The following SARS1 variants were observed in gnomAD, a reference collection of about 807,000 sequenced individuals.
SARS1 encodes the protein serine--tRNA ligase, cytoplasmic.
In SARS1, 25 loss-of-function variants were observed where a neutral mutation model predicts 63.7. That is an observed-to-expected ratio of 0.39 (90% CI 0.29 to 0.55). SARS1 has a LOEUF of 0.55. SARS1 is among the 20% of genes least tolerant of loss of function. SARS1 has a pLI of 0.62. For missense variants in SARS1, 417 were observed against 649.7 expected (o/e 0.64, Z 3.89); for synonymous variants, 231 against 243.5 (o/e 0.95, Z 0.48).
chr1:109,228,294 A>G, intron 2 of SARS1, 58 bp from the exon 3 acceptor site: 3 of 1,297,666 alleles, frequency 2.3e-6, no homozygotes, highest in Non-Finnish European at 3.3e-6. Flanking sequence ...ACACTTTATA[A>G]AACAATGCCA....
intron 6 of SARS1, among the ~76,000 whole-genome samples, chr1:109,234,627 C>T (rs140760449): frequency 4.5e-4 from 69 of 152,284 alleles, no homozygotes; most frequent in African/African-American, 1.6e-3. Flanking sequence ...TGCATACCTG[C>T]CAGCATTGAC....
At chr1:109,218,083 C>T (rs186897543) in intron 1 of SARS1, among the ~76,000 whole-genome samples, 8 of 150,726 alleles carry the variant, frequency 5.3e-5, no homozygotes, top group African/African-American at 1.7e-4. Context: ...GTCCCAGCTA[C>T]TCGGGTGGCT....
intron 6 of SARS1, among the ~76,000 whole-genome samples, chr1:109,234,070 G>A (rs188931218): frequency 1.3e-5 from 2 of 151,574 alleles, no homozygotes; most frequent in African/African-American, 4.8e-5. Flanking sequence ...GTAGAGATGG[G>A]GTTTTGTCAT....
intron 2 of SARS1, among the ~76,000 whole-genome samples, chr1:109,227,998 C>T (rs999671383): frequency 9.2e-5 from 14 of 151,890 alleles, no homozygotes; most frequent in Admixed American, 7.9e-4. Flanking sequence ...ACCTCTCCAG[C>T]GCTTATAGCT....
chr1:109,213,968 G>GA lies in SARS1; in HGVS notation c.-24dup, dbSNP rs1014346958. On this transcript the variant is annotated 5_prime_UTR_variant, in exon 1 of 11. Transcript: ENST00000234677. ...GCTGCGGCGCGATCCTTGCTTCCCT[G>GA]AGCGTTGGCCCGGGAGGAAAGAAGA... 4 of 1,599,984 alleles carry GA rather than the reference G, an allele frequency of 2.5e-6. No homozygotes were observed. Among genetic ancestry groups the GA allele is most frequent in the Non-Finnish European group, 3.4e-6 (4 of 1,172,064 alleles).
At chr1:109,227,746 CA>C (rs75421685) in intron 2 of SARS1, among the ~76,000 whole-genome samples, 290 of 124,136 alleles carry the variant, frequency 2.3e-3, no homozygotes, top group Admixed American at 3.0e-3. Context: ...ATTAAAAATA[CA>C]AAAAAAAAAA....
At chr1:109,216,001 G>A in intron 1 of SARS1, 1 of 984,164 alleles carries the variant, frequency 1.0e-6, no homozygotes, top group South Asian at 4.7e-5. Context: ...ACCATGCCTG[G>A]CCAATAGTTT....
rs368942213 is a variant in SARS1, at chr1:109,235,182, T to G, written c.748-28T>G. ...AGCCAAGGTCCTCCCCACTTCCTCT[T>G]AACTGGTATAGCTCCTTCCTTCCAC... is the stretch of plus-strand genomic sequence containing the variant. On this transcript the variant is annotated intron_variant, in intron 6 of 10. Transcript: ENST00000234677. The surrounding 1 kb of genome is among the most constrained non-coding windows in gnomAD (Gnocchi z 4.7). 1.3e-6 allele frequency: 2 copies of G among 1,573,954 alleles called. No homozygotes were observed. Among genetic ancestry groups the G allele is most frequent in the African/African-American group, 2.7e-5 (2 of 74,090 alleles).
intron 1 of SARS1, among the ~76,000 whole-genome samples, chr1:109,221,281 G>A (rs542419491): frequency 6.6e-5 from 10 of 152,152 alleles, no homozygotes; most frequent in African/African-American, 1.7e-4. Flanking sequence ...GGATGGTCTC[G>A]ATCTCTTGAT....
chr1:109,216,030 A>C, intron 1 of SARS1: 2 of 985,216 alleles, frequency 2.0e-6, no homozygotes, highest in Non-Finnish European at 2.4e-6. Context: ...TGCATCTATT[A>C]ATTTGATTCT....
At chr1:109,218,952 A>G (rs1384465845) in intron 1 of SARS1, among the ~76,000 whole-genome samples, 2 of 152,032 alleles carry the variant, frequency 1.3e-5, no homozygotes, top group Admixed American at 6.6e-5. Context: ...ATATACACCA[A>G]TGTAACACTT....
intron 2 of SARS1, among the ~76,000 whole-genome samples, chr1:109,226,902 T>C (rs1296779070): frequency 1.3e-5 from 2 of 151,136 alleles, no homozygotes; most frequent in East Asian, 3.9e-4. Flanking sequence ...GTTTTATTTA[T>C]ACTCACAAAG....
intron 3 of SARS1, among the ~76,000 whole-genome samples, chr1:109,229,204 A>G (rs1655152409): frequency 1.3e-5 from 2 of 152,248 alleles, no homozygotes; most frequent in African/African-American, 4.8e-5. Flanking sequence ...AAGCACCCCC[A>G]AAGAAAAATG....
Position 109,221,960 on chromosome 1 carries a change from T to G in SARS1, c.137-2018T>G, listed in dbSNP as rs1417113573. On this transcript the variant is annotated intron_variant, in intron 1 of 10. Transcript: ENST00000234677. ...ACACCACCATGCTCAGCTAATTTTT[T>G]TGTGTGTGTGTATATATATATATAT... 1.8e-3 allele frequency among the ~76,000 whole-genome samples: 18 copies of G among 10,078 alleles called. 2 individuals are homozygous for G. Among genetic ancestry groups the G allele is most frequent in the South Asian group, 5.4e-3 (1 of 184 alleles). The allele number at this position is 10,078 out of a possible 152,430, so 6.6% of individuals were successfully genotyped here. A position where few individuals can be genotyped will look rare whatever the true frequency, so the allele number is the denominator to read the frequency against.
Position 109,237,206 on chromosome 1 carries a change from T to C in SARS1, c.1258-38T>C. 1.3e-6 allele frequency: 2 copies of C among 1,595,378 alleles called. No homozygotes were observed. Among genetic ancestry groups the C allele is most frequent in the Non-Finnish European group, 1.7e-6 (2 of 1,172,248 alleles). On this transcript the variant is annotated intron_variant, in intron 9 of 10. Transcript: ENST00000234677. This position sits in a 1 kb window ranked among gnomAD's most constrained non-coding sequence, Gnocchi z 4.1. ...GGCCGTCAGTAAGACCCGATGAGAG[T>C]TGAGCCCGACTTCCCCTCTGGGACC... is the stretch of plus-strand genomic sequence containing the variant.
intron 6 of SARS1, among the ~76,000 whole-genome samples, chr1:109,234,257 C>G (rs1655265303): frequency 6.6e-6 from 1 of 152,076 alleles, no homozygotes; most frequent in African/African-American, 2.4e-5. Context: ...CTCCTGACCT[C>G]AAGTGATCTG....
In SARS1 at chr1:109,235,340, A is replaced by G. The variant is rs564623805; in HGVS notation, c.878A>G (p.Lys293Arg). ...EWLRPEDLPIKYAGLSTCFRQ... is the reference protein window; with the variant it reads ...EWLRPEDLPIRYAGLSTCFRQ... ...CTCCGGCCGGAGGACCTGCCCATCA[A>G]GTATGCTGGCCTGTCTACCTGCTTC... The change falls in exon 7 of 11, where the codon AAG becomes AGG. Residue 293 changes from lysine to arginine, a missense_variant. Lys to Arg is a conservative substitution (Grantham distance 26, BLOSUM62 2). Coordinates refer to ENST00000234677, the MANE Select transcript of SARS1 (RefSeq NM_006513.4). This position sits in a 1 kb window ranked among gnomAD's most constrained non-coding sequence, Gnocchi z 4.7. The G allele has an allele frequency of 1.9e-6, 3 of 1,614,044 alleles. No homozygotes were observed. Among genetic ancestry groups the G allele is most frequent in the Middle Eastern group, 1.7e-4 (1 of 6,058 alleles).
In SARS1 at chr1:109,228,706, T is replaced by G. The variant is rs369555806; in HGVS notation, c.288+274T>G. Among the ~76,000 whole-genome samples the G allele has an allele frequency of 8.1e-4, 123 of 152,372 alleles. 1 individual carries two copies. The highest frequency in any genetic ancestry group is 2.8e-3 in the African/African-American group (117 of 41,584). ...TGTGTTTGGTTTATATAACTCCATA[T>G]TCTACCGTTTGTTACACAAAGGCAA... On this transcript the variant is annotated intron_variant, in intron 3 of 10. Coordinates refer to ENST00000234677, the MANE Select transcript of SARS1 (RefSeq NM_006513.4).
intron 3 of SARS1, 130 bp from the exon 4 acceptor site, chr1:109,229,284 G>C: frequency 1.1e-6 from 1 of 879,828 alleles, no homozygotes; most frequent in East Asian, 2.5e-5. Flanking sequence ...AAAAGTCTTC[G>C]TTTCCAGTTT....
Sources: gnomAD v4.1 joint callset for allele counts (sites outside exome capture counted in the v4.1 genomes callset) on GRCh38, gnomAD v4.1.1 for gene constraint, Gnocchi (gnomAD v3.1) non-coding constraint, MANE v1.5 for transcripts, NCBI Gene and HGNC (gene_info 2026-07-23, HGNC 2026-07-21) for gene names.